Variants in SMARCA4 observed in about 807,000 individuals in gnomAD.
SMARCA4 encodes SWI/SNF-related matrix-associated actin-dependent regulator of chromatin subfamily A member 4.
SMARCA4 carries 31 observed loss-of-function variants against 193.9 expected under a neutral mutation model. The observed-to-expected ratio is 0.16, with a 90% CI of 0.12 to 0.22. The LOEUF (loss-of-function observed/expected upper bound fraction) is 0.22, where lower values mean the gene tolerates loss of function less well. SMARCA4 is among the 10% of genes least tolerant of loss of function. SMARCA4 has a pLI of 1.00. For synonymous variants in SMARCA4, 942 were observed against 933.1 expected (o/e 1.01, Z -0.17); for missense variants, 1,148 against 2,296.0 (o/e 0.50, Z 10.22).
chr19:11,049,064 T>G (rs1214577066), intron 30 of SMARCA4, among the ~76,000 whole-genome samples: 1 of 152,130 alleles, frequency 6.6e-6, no homozygotes, highest in Non-Finnish European at 1.5e-5. Context: ...AGTGCTGGCT[T>G]CTGCTGTCCA....
intron 13 of SMARCA4, among the ~76,000 whole-genome samples, chr19:11,006,935 CAATT>C (rs1459328781): frequency 1.3e-5 from 2 of 150,750 alleles, no homozygotes; most frequent in Non-Finnish European, 3.0e-5. Flanking sequence ...AAATGCAAAA[CAATT>C]AGCCAAGTGT....
intron 1 of SMARCA4, among the ~76,000 whole-genome samples, chr19:10,972,865 C>T (rs137974494): frequency 0.023 from 3,512 of 152,284 alleles, 101 homozygotes; most frequent in East Asian, 0.067. Flanking sequence ...AATCCCAGCA[C>T]TTTGGGAGGC....
intron 11 of SMARCA4, among the ~76,000 whole-genome samples, chr19:10,999,717 G>T (rs1276209646): frequency 1.3e-5 from 2 of 152,104 alleles, no homozygotes; most frequent in South Asian, 4.2e-4. Context: ...AACAGCACAG[G>T]GTTAATTTTT....
Position 11,030,592 on chromosome 19 carries a change from GGA to G in SMARCA4, c.3383-134_3383-133del. The G allele has an allele frequency of 1.3e-6, 1 of 766,570 alleles. No individual in the cohort carries two copies. The highest frequency in any genetic ancestry group is 2.7e-5 in the East Asian group (1 of 37,128). The allele number at this position is 766,570 out of a possible 1,614,324, so 47.5% of individuals were successfully genotyped here. A position where few individuals can be genotyped will look rare whatever the true frequency, so the allele number is the denominator to read the frequency against. The stretch of plus-strand genomic sequence containing the variant: ...TCGCCAGTGGCCCACAGGCCCGTGT[GGA>G]GAGTGCGGAGCCAGGGATCTGGGGA... On this transcript the variant is annotated intron_variant, in intron 24 of 34. Coordinates refer to ENST00000344626, the MANE Select transcript of SMARCA4 (RefSeq NM_003072.5). This position sits in a 1 kb window ranked among gnomAD's most constrained non-coding sequence, Gnocchi z 5.5.
chr19:10,984,358 G>A lies in SMARCA4; in HGVS notation c.207G>A (p.Met69Ile), dbSNP rs754815286. ...CTGGAGGGTACCCTCAGGACAACAT[G>A]CACCAGATGCACAAGGTAGGGATCC... ...QGPGGYPQDN[M>I]HQMHKPMESM... Residue 69 changes from methionine to isoleucine, a missense_variant, in exon 2 of 35, where the codon ATG becomes ATA. By Grantham distance (10) the Met-to-Ile change is conservative. This residue lies in a region of SMARCA4 where 201 missense variants were observed against 248.3 expected (regional missense o/e 0.81). Coordinates refer to ENST00000344626, the MANE Select transcript of SMARCA4 (RefSeq NM_003072.5). This position sits in a 1 kb window ranked among gnomAD's most constrained non-coding sequence, Gnocchi z 4.3. The A allele has an allele frequency of 2.5e-6, 4 of 1,589,492 alleles. No individual in the cohort carries two copies. Among genetic ancestry groups the A allele is most frequent in the South Asian group, 1.1e-5 (1 of 87,840 alleles).
chr19:10,989,255 CAGCTGTAA>C, intron 6 of SMARCA4, 54 bp from the exon 7 acceptor site: 1 of 1,607,880 alleles, frequency 6.2e-7, no homozygotes, highest in Non-Finnish European at 8.5e-7. Flanking sequence ...CCTGCAGCTC[CAGCTGTAA>C]CTGGGTGCCC....
In SMARCA4 at chr19:11,034,504, C is replaced by G. The variant is rs2075143591; in HGVS notation, c.3951+304C>G. On this transcript the variant is annotated intron_variant, in intron 28 of 34. Coordinates refer to ENST00000344626, the MANE Select transcript of SMARCA4 (RefSeq NM_003072.5). This position sits in a 1 kb window ranked among gnomAD's most constrained non-coding sequence, Gnocchi z 7.0. ...CACTCCCTTTCAGAGGGAGTTCGCC[C>G]TATCCAAGGCCAAGGGACTGACCAG... Among the ~76,000 whole-genome samples the G allele has an allele frequency of 6.6e-6, 1 of 152,190 alleles. No individual in the cohort carries two copies. The highest frequency in any genetic ancestry group is 2.4e-5 in the African/African-American group (1 of 41,452).
intron 18 of SMARCA4, chr19:11,021,213 C>T (rs2089836770): frequency 1.2e-5 from 3 of 241,364 alleles, no homozygotes; most frequent in South Asian, 5.0e-5. Flanking sequence ...TCTTTGAGTG[C>T]GGCCACTGCG....
intron 18 of SMARCA4, 96 bp from the exon 19 acceptor site, chr19:11,021,629 A>G (rs1335079267): frequency 1.4e-6 from 2 of 1,473,246 alleles, no homozygotes; most frequent in Non-Finnish European, 1.8e-6. Flanking sequence ...TTCCACCTGG[A>G]GCCTTCCTGG....
chr19:11,008,211 T>G, intron 14 of SMARCA4, 188 bp downstream of exon 14: 1 of 603,778 alleles, frequency 1.7e-6, no homozygotes, highest in Non-Finnish European at 3.1e-6. Flanking sequence ...AATAGAGCAA[T>G]TGCATTCGCA....
intron 30 of SMARCA4, among the ~76,000 whole-genome samples, chr19:11,044,263 CA>C (rs2075777347): frequency 6.6e-6 from 1 of 152,132 alleles, no homozygotes; most frequent in African/African-American, 2.4e-5. Flanking sequence ...AAAGGTAAAA[CA>C]AAATTCTAGA....
At chr19:11,049,099 A>T (rs2076111542) in intron 30 of SMARCA4, among the ~76,000 whole-genome samples, 2 of 151,984 alleles carry the variant, frequency 1.3e-5, no homozygotes, top group Admixed American at 6.6e-5. Context: ...CTCCAGTGGG[A>T]AGGGCCACGT....
In SMARCA4 at chr19:11,031,961, G is replaced by A. The variant is rs1313802067; in HGVS notation, c.3546+1068G>A. Reference sequence around the variant, plus strand: ...GTGAGGGCAGCAGCGTTCTCAGTGTGTAAATTGTCGCTTGTCTGATGGGTG... The same window carrying A: ...GTGAGGGCAGCAGCGTTCTCAGTGTATAAATTGTCGCTTGTCTGATGGGTG... On this transcript the variant is annotated intron_variant, in intron 25 of 34. Coordinates refer to ENST00000344626, the MANE Select transcript of SMARCA4 (RefSeq NM_003072.5). This position sits in a 1 kb window ranked among gnomAD's most constrained non-coding sequence, Gnocchi z 4.3. The A allele has an allele frequency of 6.6e-6, 1 of 152,358 alleles. No homozygotes were observed. The highest frequency in any genetic ancestry group is 2.4e-5 in the African/African-American group (1 of 41,468). The allele number at this position is 152,358 out of a possible 1,614,324, so 9.4% of individuals were successfully genotyped here.
chr19:11,003,166 TG>T lies in SMARCA4; in HGVS notation c.1943+10del. The T allele has an allele frequency of 1.2e-6, 2 of 1,614,000 alleles. No homozygotes were observed. ...GGCTCGAGATGAACCCGGGGTGAGTTGGGCCTTGCATTCCAGATGCAGTGGG... is the reference window on the plus strand; with the variant it reads ...GGCTCGAGATGAACCCGGGGTGAGTTGGCCTTGCATTCCAGATGCAGTGGG... On this transcript the variant is annotated splice_region_variant and intron_variant, in intron 12 of 34. Coordinates refer to ENST00000344626, the MANE Select transcript of SMARCA4 (RefSeq NM_003072.5).
At chr19:11,006,332 G>A (rs1012408693) in intron 13 of SMARCA4, among the ~76,000 whole-genome samples, 2 of 152,242 alleles carry the variant, frequency 1.3e-5, no homozygotes, top group South Asian at 2.1e-4. Context: ...AAACAAGTTC[G>A]TAGATAACTT....
chr19:11,057,600 G>T (rs1908872525), intron 30 of SMARCA4, among the ~76,000 whole-genome samples: 1 of 151,882 alleles, frequency 6.6e-6, no homozygotes, highest in South Asian at 2.1e-4. Flanking sequence ...GTGGTGGCTG[G>T]CATCTGTAAT....
intron 1 of SMARCA4, among the ~76,000 whole-genome samples, chr19:10,969,350 G>T (rs2084493885): frequency 6.6e-6 from 1 of 152,176 alleles, no homozygotes; most frequent in Non-Finnish European, 1.5e-5. Flanking sequence ...TGGCTCAAAG[G>T]ATCTGCCTAC....
intron 29 of SMARCA4, among the ~76,000 whole-genome samples, chr19:11,036,756 G>T (rs773341834): frequency 1.6e-4 from 25 of 151,934 alleles, no homozygotes; most frequent in Non-Finnish European, 3.1e-4. Context: ...CATTCTCATC[G>T]CCCCCAAAAG....
At chr19:11,010,891 C>T (rs750069139) in intron 15 of SMARCA4, 15 of 357,328 alleles carry the variant, frequency 4.2e-5, no homozygotes, top group East Asian at 2.8e-4. Flanking sequence ...GAACCAGGGC[C>T]GGAGCTCAGA....
Sources: gnomAD v4.1 joint callset for allele counts (sites outside exome capture counted in the v4.1 genomes callset) on GRCh38, gnomAD v4.1.1 for gene constraint, gnomAD v4.1.1 regional missense constraint, Gnocchi (gnomAD v3.1) non-coding constraint, MANE v1.5 for transcripts, NCBI Gene and HGNC (gene_info 2026-07-23, HGNC 2026-07-21) for gene names.